Variants in RANBP2 observed in about 807,000 individuals in gnomAD.
The protein encoded by RANBP2 is RAN binding protein 2, also known as E3 SUMO-protein ligase RanBP2.
In RANBP2, 57 loss-of-function variants were observed where a neutral mutation model predicts 303.6. The ratio of observed to expected loss-of-function variants is 0.19; its 90% CI spans 0.15 to 0.23. The LOEUF is 0.23. RANBP2 is among the 10% of genes least tolerant of loss of function. The probability of loss-of-function intolerance (pLI) is 1.00; values close to 1 mark genes in which losing one functional copy is unlikely to be tolerated. For missense variants in RANBP2, 3,138 were observed against 3,780.8 expected, an observed-to-expected ratio of 0.83 and a Z score of 4.46; for synonymous variants, 1,167 against 1,301.5, an observed-to-expected ratio of 0.90 and a Z score of 2.23.
chr2:109,527,751 A>T, the RANBP2 span, among the ~76,000 whole-genome samples: 1 of 152,284 alleles, frequency 6.6e-6, no homozygotes, highest in East Asian at 1.9e-4. Flanking sequence ...AGATTTTTTT[A>T]AAAAATAAAT....
the RANBP2 span, among the ~76,000 whole-genome samples, chr2:108,980,714 T>C: frequency 6.6e-6 from 1 of 151,950 alleles, no homozygotes; most frequent in African/African-American, 2.4e-5. Flanking sequence ...CACACAGACA[T>C]CTTGGGCCAG....
At chr2:108,787,608 C>T (rs150013407), downstream of RANBP2, among the ~76,000 whole-genome samples, 290 of 152,152 alleles carry the variant, frequency 1.9e-3, 3 homozygotes, top group African/African-American at 6.8e-3. Context: ...AAATTTTTTC[C>T]TAGTGCAGAT....
the RANBP2 span, among the ~76,000 whole-genome samples, chr2:108,951,945 C>T: frequency 6.6e-6 from 1 of 152,230 alleles, no homozygotes; most frequent in Non-Finnish European, 1.5e-5. Flanking sequence ...GACACTCTTA[C>T]AGTCTAATAA....
the RANBP2 span, among the ~76,000 whole-genome samples, chr2:108,907,649 C>A: frequency 2.1e-5 from 3 of 144,042 alleles, no homozygotes; most frequent in East Asian, 2.0e-4. Context: ...CTCTCATCTC[C>A]AAAAAAAAAA....
downstream of RANBP2, among the ~76,000 whole-genome samples, chr2:108,787,101 G>GGGGGTGCC (rs1678970358): frequency 1.3e-5 from 2 of 152,274 alleles, no homozygotes; most frequent in South Asian, 2.1e-4. Flanking sequence ...GCGGGGGTGC[G>GGGGGTGCC]GGGGTGCCGC....
chr2:108,763,459 C>A lies in RANBP2; in HGVS notation c.2920C>A (p.Pro974Thr). Residue 974 changes from proline (P) to threonine (T), a missense_variant, in exon 20 of 29, where the codon CCT becomes ACT. Pro to Thr is a conservative substitution (Grantham distance 38, BLOSUM62 -1). Coordinates refer to ENST00000283195, the MANE Select transcript of RANBP2 (RefSeq NM_006267.5). ...YNVQQTSTNPPLPEPGYFTKP... is the reference protein window; with the variant it reads ...YNVQQTSTNPTLPEPGYFTKP... ...TGTTCAACAGACAAGCACAAATCCA[C>A]CTTTGCCAGAACCAGGATATTTCAC... The A allele has an allele frequency of 6.2e-7, 1 of 1,614,064 alleles. No homozygotes were observed. Among genetic ancestry groups the A allele is most frequent in the South Asian group, 1.1e-5 (1 of 91,080 alleles).
chr2:109,686,463 C>T, the RANBP2 span, among the ~76,000 whole-genome samples: 2 of 152,056 alleles, frequency 1.3e-5, no homozygotes, highest in African/African-American at 4.8e-5. Flanking sequence ...TACAGGCGCC[C>T]GCCACCATGC....
At chr2:108,923,400 G>A in the RANBP2 span, 1 of 1,614,220 alleles carries the variant, frequency 6.2e-7, no homozygotes, top group South Asian at 1.1e-5. Context: ...CAGGAGGCAG[G>A]AGTAGCAGAC....
the RANBP2 span, among the ~76,000 whole-genome samples, chr2:109,627,279 C>A: frequency 2.6e-5 from 4 of 152,206 alleles, no homozygotes; most frequent in Admixed American, 1.3e-4. Flanking sequence ...TCACTGCAAC[C>A]TCTGCCTCCC....
chr2:108,919,475 C>T, the RANBP2 span, among the ~76,000 whole-genome samples: 1 of 152,180 alleles, frequency 6.6e-6, no homozygotes, highest in African/African-American at 2.4e-5. Flanking sequence ...TCTCCTGCCT[C>T]AGCCTCCCGA....
chr2:108,785,339 G>T lies in RANBP2; in HGVS notation c.*1438G>T, dbSNP rs531645567. ...CAGTCTTGAACCATGGATTACATATGTTTACACTAAATATTTCAAATTGGC... is the reference window on the plus strand; with the variant it reads ...CAGTCTTGAACCATGGATTACATATTTTTACACTAAATATTTCAAATTGGC... On this transcript the variant is annotated 3_prime_UTR_variant, in exon 29 of 29. Transcript: ENST00000283195. The T allele has an allele frequency of 1.3e-5, 2 of 152,280 alleles. No homozygotes were observed. The highest frequency in any genetic ancestry group is 2.9e-5 in the Non-Finnish European group (2 of 68,014). 9.4% of individuals were successfully genotyped at this position (152,280 alleles called of 1,614,324 possible).
At chr2:108,783,438 A>G (rs1678400028) in intron 28 of RANBP2, among the ~76,000 whole-genome samples, 158 bp from the exon 29 acceptor site, 1 of 151,802 alleles carries the variant, frequency 6.6e-6, no homozygotes, top group African/African-American at 2.4e-5. Context: ...CTTCTTTCCA[A>G]CAATATGAAT....
At chr2:109,695,096 AATTTC>A in the RANBP2 span, among the ~76,000 whole-genome samples, 1 of 152,024 alleles carries the variant, frequency 6.6e-6, no homozygotes, top group Non-Finnish European at 1.5e-5. Flanking sequence ...AGAGTTTTAA[AATTTC>A]ATTTCTTCTA....
chr2:109,258,369 A>T, the RANBP2 span, among the ~76,000 whole-genome samples: 1 of 151,788 alleles, frequency 6.6e-6, no homozygotes, highest in South Asian at 2.1e-4. Flanking sequence ...AGGACCACAA[A>T]CCCTAGTGCA....
chr2:109,113,223 G>T, the RANBP2 span, among the ~76,000 whole-genome samples: 1 of 152,096 alleles, frequency 6.6e-6, no homozygotes, highest in Non-Finnish European at 1.5e-5. Context: ...ATTACCTTGG[G>T]CAGTATGGCC....
the RANBP2 span, among the ~76,000 whole-genome samples, chr2:109,193,503 A>C: frequency 6.6e-6 from 1 of 152,200 alleles, no homozygotes; most frequent in African/African-American, 2.4e-5. Flanking sequence ...ATGGAATCAT[A>C]CAGTTTGCGG....
At chr2:109,417,550 C>G in the RANBP2 span, among the ~76,000 whole-genome samples, 1 of 152,174 alleles carries the variant, frequency 6.6e-6, no homozygotes, top group Non-Finnish European at 1.5e-5. Context: ...GACCCTCAGC[C>G]AGGCACAGGA....
the RANBP2 span, among the ~76,000 whole-genome samples, chr2:109,271,908 G>A: frequency 2.0e-5 from 3 of 152,198 alleles, no homozygotes; most frequent in Admixed American, 6.5e-5. Context: ...TAACCGCTAC[G>A]CACACACACT....
rs2557914 is a variant in RANBP2, at chr2:108,754,965, G to A, written c.2263G>A (p.Asp755Asn). 3.7e-5 allele frequency: 60 copies of A among 1,611,626 alleles called. No individual in the cohort carries two copies. The highest frequency in any genetic ancestry group is 4.5e-4 in the Middle Eastern group (2 of 4,450). The change falls in exon 16 of 29, where the codon GAC (aspartate) becomes AAC (asparagine). Residue 755 changes from aspartate to asparagine, a missense_variant. Around this residue, in one of 20 missense-constraint regions of RANBP2, gnomAD observed 194 missense variants for 197.4 expected, o/e 0.98. Coordinates refer to ENST00000283195, the MANE Select transcript of RANBP2 (RefSeq NM_006267.5). ...MLNSVMQELE[D>N]YSEGGPLYKN... Reference sequence around the variant, plus strand: ...TAATTCAGTCATGCAGGAACTCGAAGACTATAGTGAAGGAGGTCCTCTCTA... The same window carrying A: ...TAATTCAGTCATGCAGGAACTCGAAAACTATAGTGAAGGAGGTCCTCTCTA...
Sources: allele counts gnomAD v4.1 joint callset (sites outside exome capture counted in the v4.1 genomes callset), GRCh38; gene constraint gnomAD v4.1.1; regional missense constraint gnomAD v4.1.1; transcripts MANE v1.5; gene names NCBI Gene and HGNC (gene_info 2026-07-23, HGNC 2026-07-21).